The following ITGA9 variants were observed in gnomAD, a reference collection of about 807,000 sequenced individuals.
The protein encoded by ITGA9 is integrin subunit alpha 9, also known as integrin alpha-9.
ITGA9 carries 56 observed loss-of-function variants against 127.8 expected under a neutral mutation model. The observed-to-expected ratio is 0.44, with a 90% CI of 0.35 to 0.55. The LOEUF is 0.55. ITGA9 is among the 20% of genes least tolerant of loss of function. The pLI is 0.00. For synonymous variants in ITGA9, 508 were observed against 514.5 expected (o/e 0.99, Z 0.17); for missense variants, 1,196 against 1,347.1 (o/e 0.89, Z 1.76).
chr3:37,520,393 C>A (rs1699032159), intron 11 of ITGA9, among the ~76,000 whole-genome samples: 1 of 152,304 alleles, frequency 6.6e-6, no homozygotes, highest in East Asian at 1.9e-4. Flanking sequence ...TGTTTATTAT[C>A]CACCATTTAT....
At chr3:37,510,438 A>C (rs987361688) in intron 8 of ITGA9, among the ~76,000 whole-genome samples, 1 of 151,946 alleles carries the variant, frequency 6.6e-6, no homozygotes, top group Non-Finnish European at 1.5e-5. Context: ...GTTAATTCCT[A>C]TTGCCTTCGA....
chr3:37,481,709 C>T (rs1698557790), intron 4 of ITGA9, 102 bp downstream of exon 4: 7 of 1,467,486 alleles, frequency 4.8e-6, no homozygotes, highest in Non-Finnish European at 6.7e-6. Context: ...CCCAGCTTTC[C>T]ACATGCTCAT....
At chr3:37,520,360 G>A (rs72867566) in intron 11 of ITGA9, among the ~76,000 whole-genome samples, 6,875 of 152,090 alleles carry the variant, frequency 0.045, 431 homozygotes, top group African/African-American at 0.15. Flanking sequence ...TTTAATCCTC[G>A]CAGCAGCCAT....
intron 16 of ITGA9, among the ~76,000 whole-genome samples, chr3:37,652,476 TAATC>T (rs1235236591): frequency 6.6e-6 from 1 of 152,200 alleles, no homozygotes. Flanking sequence ...TTTTCCCTGA[TAATC>T]AAGGAAGGGA....
intron 17 of ITGA9, among the ~76,000 whole-genome samples, chr3:37,677,844 AG>A (rs1490175783): frequency 6.6e-6 from 1 of 152,244 alleles, no homozygotes; most frequent in East Asian, 1.9e-4. Context: ...TTCACATTGC[AG>A]GGGCTATTTA....
intron 27 of ITGA9, among the ~76,000 whole-genome samples, chr3:37,811,402 G>A (rs1287400663): frequency 6.6e-6 from 1 of 152,176 alleles, no homozygotes; most frequent in African/African-American, 2.4e-5. Flanking sequence ...ACAACTTTGT[G>A]TGTGACTGGC....
chr3:37,556,483 C>T (rs1030191926), intron 15 of ITGA9, among the ~76,000 whole-genome samples: 5 of 152,160 alleles, frequency 3.3e-5, no homozygotes, highest in South Asian at 2.1e-4. Context: ...AGGCAGCTCT[C>T]GGAGCTGGCA....
chr3:37,533,559 C>T, intron 14 of ITGA9, 91 bp downstream of exon 14: 1 of 1,386,820 alleles, frequency 7.2e-7, no homozygotes. Flanking sequence ...CTGTTCCTCC[C>T]AGCTGGTTTT....
At chr3:37,660,792 T>C (rs1208835259) in intron 17 of ITGA9, among the ~76,000 whole-genome samples, 1 of 152,264 alleles carries the variant, frequency 6.6e-6, no homozygotes, top group Non-Finnish European at 1.5e-5. Flanking sequence ...CTTGGCTGAT[T>C]TGTCCATGCA....
chr3:37,702,309 A>G (rs1039760108), intron 18 of ITGA9, among the ~76,000 whole-genome samples: 3 of 152,230 alleles, frequency 2.0e-5, no homozygotes, highest in Non-Finnish European at 2.9e-5. Flanking sequence ...TTGTCTGGAC[A>G]CTGAGCCTGT....
intron 15 of ITGA9, among the ~76,000 whole-genome samples, chr3:37,575,705 G>A (rs1232790926): frequency 6.6e-6 from 1 of 151,972 alleles, no homozygotes; most frequent in East Asian, 1.9e-4. Context: ...GAGTGCCCAG[G>A]TCATCCTGGT....
intron 24 of ITGA9, 47 bp from the exon 25 acceptor site, chr3:37,779,855 T>C: frequency 6.2e-7 from 1 of 1,605,840 alleles, no homozygotes. Context: ...TGTGGATTTG[T>C]CTTTGTTCTT....
chr3:37,714,018 C>T (rs1701106425), intron 18 of ITGA9, among the ~76,000 whole-genome samples: 1 of 152,242 alleles, frequency 6.6e-6, no homozygotes, highest in African/African-American at 2.4e-5. Context: ...GGGACAGTGG[C>T]TGCATGATGA....
intron 18 of ITGA9, among the ~76,000 whole-genome samples, chr3:37,721,024 A>G (rs1701184493): frequency 1.3e-5 from 2 of 151,656 alleles, no homozygotes; most frequent in South Asian, 2.1e-4. Context: ...ATTTGATCAC[A>G]TAATTGCTTC....
chr3:37,594,110 GC>G (rs1216767595), intron 15 of ITGA9, among the ~76,000 whole-genome samples: 5 of 152,234 alleles, frequency 3.3e-5, no homozygotes, highest in Non-Finnish European at 7.3e-5. Flanking sequence ...TTGCCAGGGA[GC>G]CTGGGATCGG....
chr3:37,780,090 G>GT lies in ITGA9; in HGVS notation c.2787+70dup, dbSNP rs1235258176. 7 of 1,587,058 alleles carry GT rather than the reference G, an allele frequency of 4.4e-6. No individual in the cohort carries two copies. The East Asian group carries it at 6.7e-5, about 15-fold the overall frequency. On this transcript the variant is annotated intron_variant, in intron 25 of 27. Transcript: ENST00000264741. Reference sequence around the variant, plus strand: ...TTGAATTGTTGACATCTGATTTTGGGTAAAAAAAAGGAAAAAGGAAAGCAT... The same window carrying GT: ...TTGAATTGTTGACATCTGATTTTGGGTTAAAAAAAAGGAAAAAGGAAAGCAT...
intron 20 of ITGA9, among the ~76,000 whole-genome samples, chr3:37,738,972 T>C (rs1321521845): frequency 6.6e-6 from 1 of 152,196 alleles, no homozygotes; most frequent in East Asian, 1.9e-4. Context: ...AAAATATCGA[T>C]GCCTGATCTA....
chr3:37,792,144 C>T (rs775655555), intron 26 of ITGA9, among the ~76,000 whole-genome samples: 3 of 152,156 alleles, frequency 2.0e-5, no homozygotes, highest in Non-Finnish European at 4.4e-5. Context: ...AAGCTCTGAC[C>T]ATCAAGAATT....
intron 27 of ITGA9, chr3:37,818,569 C>G: frequency 2.8e-6 from 1 of 353,892 alleles, no homozygotes; most frequent in Non-Finnish European, 5.4e-6. Context: ...AGCCATGAAA[C>G]CTTTTTTTAC....
Sources: allele counts gnomAD v4.1 joint callset (sites outside exome capture counted in the v4.1 genomes callset), GRCh38; gene constraint gnomAD v4.1.1; transcripts MANE v1.5; gene names NCBI Gene and HGNC (gene_info 2026-07-23, HGNC 2026-07-21).